APC: variants seen among roughly 807,000 people sequenced by gnomAD.
The protein encoded by APC is adenomatous polyposis coli protein.
APC carries 72 observed loss-of-function variants against 247.0 expected under a neutral mutation model. That is an observed-to-expected ratio of 0.29 (90% CI 0.24 to 0.35). The LOEUF is 0.35. Among genes scored for constraint, APC ranks in the 10% least tolerant of loss-of-function variants. APC has a pLI of 1.00. For synonymous variants in APC, 1,254 were observed against 1,162.5 expected (o/e 1.08, Z -1.60); for missense variants, 3,400 against 3,360.7 (o/e 1.01, Z -0.29).
Position 112,844,221 on chromosome 5 carries a change from T to C in APC, c.*95T>C. 2.5e-6 allele frequency: 3 copies of C among 1,214,114 alleles called. No homozygotes were observed. Among genetic ancestry groups the C allele is most frequent in the East Asian group, 5.1e-5 (2 of 39,572 alleles). 75.2% of individuals were successfully genotyped at this position (1,214,114 alleles called of 1,614,324 possible). A position where few individuals can be genotyped will look rare whatever the true frequency, so the allele number is the denominator to read the frequency against. ...ATGAAACTTTAAAAGACTGAAAAAT[T>C]TTGTAAATAGGTTTGATTCTTGTTA... is the stretch of plus-strand genomic sequence containing the variant. On this transcript the variant is annotated 3_prime_UTR_variant, in exon 16 of 16. Transcript: ENST00000257430.
intron 1 of APC, among the ~76,000 whole-genome samples, chr5:112,720,790 T>C (rs561647468): frequency 1.3e-5 from 2 of 152,210 alleles, no homozygotes; most frequent in Non-Finnish European, 2.9e-5. Flanking sequence ...GAATTTAAAG[T>C]GAAACCAGCT....
chr5:112,766,206 G>A, intron 2 of APC, 120 bp from the exon 3 acceptor site: 2 of 689,206 alleles, frequency 2.9e-6, no homozygotes. Context: ...TATATATAAG[G>A]TGCGTGCTTT....
rs458967 is a variant in APC at position 112,834,661 on chromosome 5, G to A, written c.1744-290G>A. Among the ~76,000 whole-genome samples the A allele has an allele frequency of 0.66, 99,712 of 151,884 alleles. 33,120 individuals carry two copies. The highest frequency in any genetic ancestry group is 0.9 in the East Asian group (4,653 of 5,174). ...TGTTTTCTTTTCATAATGCACATCA[G>A]TTGTGCCTCATATTCTAAGATGTGT... On this transcript the variant is annotated intron_variant, in intron 14 of 15. Transcript: ENST00000257430.
In APC at chr5:112,754,873, G is replaced by A. The variant is rs2149736957; in HGVS notation, c.-18G>A. 6.2e-7 allele frequency: 1 copy of A among 1,613,256 alleles called. No homozygotes were observed. Among genetic ancestry groups the A allele is most frequent in the Non-Finnish European group, 8.5e-7 (1 of 1,179,496 alleles). ...TTCAAAATCCTTTTTAACCTTATAG[G>A]TCCAAGGGTAGCCAAGGATGGCTGC... On this transcript the variant is annotated splice_region_variant and 5_prime_UTR_variant, in exon 2 of 16. Coordinates refer to ENST00000257430, the MANE Select transcript of APC (RefSeq NM_000038.6).
intron 6 of APC, among the ~76,000 whole-genome samples, chr5:112,788,492 G>C (rs1759224290): frequency 6.6e-6 from 1 of 152,092 alleles, no homozygotes; most frequent in African/African-American, 2.4e-5. Flanking sequence ...CAGTTTTCTT[G>C]TCAGTACAAT....
At chr5:112,762,808 T>C (rs1437726964) in intron 2 of APC, among the ~76,000 whole-genome samples, 1 of 152,222 alleles carries the variant, frequency 6.6e-6, no homozygotes, top group African/African-American at 2.4e-5. Context: ...GTATTTTACA[T>C]ATGTGTGTTG....
rs376438310 is a variant in APC, at chr5:112,829,446, A to G, written c.1743+474A>G. 7.7e-5 allele frequency: 13 copies of G among 168,122 alleles called. No individual in the cohort carries two copies. In the East Asian group the frequency reaches 1.6e-3, roughly 21 times the overall value. The allele number at this position is 168,122 out of a possible 1,614,324, so 10.4% of individuals were successfully genotyped here. On this transcript the variant is annotated intron_variant, in intron 14 of 15. Coordinates refer to ENST00000257430, the MANE Select transcript of APC (RefSeq NM_000038.6). ...CCATCACGCCCAGCCTAGATTCCCT[A>G]ATTTCTTACCTGTTTATCTCACCAG... is the stretch of plus-strand genomic sequence containing the variant.
intron 1 of APC, among the ~76,000 whole-genome samples, chr5:112,726,631 C>T (rs1751798609): frequency 6.6e-6 from 1 of 152,064 alleles, no homozygotes; most frequent in African/African-American, 2.4e-5. Flanking sequence ...TGCAGGTTTC[C>T]AGGCTTGGAG....
At chr5:112,762,495 C>G (rs1755784040) in intron 2 of APC, among the ~76,000 whole-genome samples, 1 of 152,112 alleles carries the variant, frequency 6.6e-6, no homozygotes, top group Non-Finnish European at 1.5e-5. Flanking sequence ...CAGTGGACTG[C>G]TACATACTAT....
intron 4 of APC, among the ~76,000 whole-genome samples, chr5:112,775,006 G>GT (rs1757463069): frequency 6.6e-6 from 1 of 152,114 alleles, no homozygotes; most frequent in Non-Finnish European, 1.5e-5. Flanking sequence ...TTTTATCCCT[G>GT]TAACACTCTT....
At chr5:112,710,052 A>G (rs568268019) in intron 1 of APC, among the ~76,000 whole-genome samples, 2 of 152,184 alleles carry the variant, frequency 1.3e-5, no homozygotes, top group African/African-American at 4.8e-5. Flanking sequence ...CTCCCTGTGT[A>G]ACCAGGATCC....
chr5:112,845,418 A>G lies in APC; in HGVS notation c.*1292A>G, dbSNP rs543687047. ...GACATTGCAGTCTCTTCGAGGCTTT[A>G]CAGTGTAAACTGTCTTGCCCCTTCA... On this transcript the variant is annotated 3_prime_UTR_variant, in exon 16 of 16. Coordinates refer to ENST00000257430, the MANE Select transcript of APC (RefSeq NM_000038.6). 3.4e-5 allele frequency: 8 copies of G among 233,080 alleles called. No homozygotes were observed. Among genetic ancestry groups the G allele is most frequent in the Admixed American group, 1.1e-4 (2 of 17,776 alleles). The allele number at this position is 233,080 out of a possible 1,614,324, so 14.4% of individuals were successfully genotyped here.
intron 6 of APC, among the ~76,000 whole-genome samples, chr5:112,790,619 G>A (rs922637167): frequency 3.9e-5 from 6 of 152,158 alleles, no homozygotes; most frequent in Non-Finnish European, 7.4e-5. Flanking sequence ...GTGAGCCACC[G>A]TGCCCGGCAG....
At chr5:112,828,781 C>A in intron 13 of APC, 75 bp from the exon 14 acceptor site, 1 of 1,006,108 alleles carries the variant, frequency 9.9e-7, no homozygotes, top group Non-Finnish European at 1.6e-6. Flanking sequence ...TCTATTCTTA[C>A]TGCTAGCATT....
intron 4 of APC, among the ~76,000 whole-genome samples, chr5:112,770,858 G>T (rs1485229072): frequency 6.6e-6 from 1 of 152,010 alleles, no homozygotes; most frequent in Non-Finnish European, 1.5e-5. Flanking sequence ...ATACACATAA[G>T]CAAATACACA....
At chr5:112,724,574 GT>G (rs1751668038) in intron 1 of APC, among the ~76,000 whole-genome samples, 1 of 142,298 alleles carries the variant, frequency 7.0e-6, no homozygotes, top group Non-Finnish European at 1.5e-5. Flanking sequence ...AAATGAGATA[GT>G]TGGTAAGCAC....
intron 1 of APC, among the ~76,000 whole-genome samples, chr5:112,751,999 A>G (rs886640143): frequency 3.3e-5 from 5 of 152,022 alleles, no homozygotes; most frequent in Admixed American, 6.6e-5. Context: ...TCCCATATCT[A>G]TTATGTTAAA....
In APC at chr5:112,845,376, CTTGAAA is replaced by C. The variant is rs1456218815; in HGVS notation, c.*1255_*1260del. 2 of 232,796 alleles carry C rather than the reference CTTGAAA, an allele frequency of 8.6e-6. No homozygotes were observed. Among genetic ancestry groups the C allele is most frequent in the Admixed American group, 1.1e-4 (2 of 17,762 alleles). 14.4% of individuals were successfully genotyped at this position (232,796 alleles called of 1,614,324 possible). On this transcript the variant is annotated 3_prime_UTR_variant, in exon 16 of 16. Coordinates refer to ENST00000257430, the MANE Select transcript of APC (RefSeq NM_000038.6). ...TTTCTTAATATTATAGAATTCTGTACTTGAAATTGATTCTTAGACATTGCAGTCTCT... is the reference window on the plus strand; with the variant it reads ...TTTCTTAATATTATAGAATTCTGTACTTGATTCTTAGACATTGCAGTCTCT...
In APC at chr5:112,838,497, G is replaced by A. The variant is rs1554084581; in HGVS notation, c.2903G>A (p.Ser968Asn). ...RSSNDSLNSV[S>N]SSDGYGKRGQ... is the part of the protein sequence containing the mutation. ...TCAAATGATAGTTTAAATAGTGTCAGTAGTAGTGATGGTTATGGTAAAAGA... is the reference window on the plus strand; with the variant it reads ...TCAAATGATAGTTTAAATAGTGTCAATAGTAGTGATGGTTATGGTAAAAGA... The change falls in exon 16 of 16, where the codon AGT (serine) becomes AAT (asparagine). Residue 968 changes from serine to asparagine, a missense_variant. Physicochemically the swap from Ser to Asn is conservative, Grantham distance 46 (BLOSUM62 1). This residue lies in a region of APC where 715 missense variants were observed against 656.6 expected (regional missense o/e 1.09). Coordinates refer to ENST00000257430, the MANE Select transcript of APC (RefSeq NM_000038.6). The A allele has an allele frequency of 6.2e-7, 1 of 1,614,082 alleles. No individual in the cohort carries two copies. Among genetic ancestry groups the A allele is most frequent in the African/African-American group, 1.3e-5 (1 of 74,940 alleles).
Sources: gnomAD v4.1 joint callset for allele counts (sites outside exome capture counted in the v4.1 genomes callset) on GRCh38, gnomAD v4.1.1 for gene constraint, gnomAD v4.1.1 regional missense constraint, MANE v1.5 for transcripts, NCBI Gene and HGNC (gene_info 2026-07-23, HGNC 2026-07-21) for gene names.